SHROOM3: variants seen among roughly 807,000 people sequenced by gnomAD.
SHROOM3 encodes shroom family member 3, also known as protein Shroom3.
SHROOM3 carries 47 observed loss-of-function variants against 138.6 expected under a neutral mutation model. That is an observed-to-expected ratio of 0.34 (90% CI 0.27 to 0.43). SHROOM3 has a LOEUF of 0.43. Ranked by LOEUF, SHROOM3 falls within the 20% of genes least tolerant of loss-of-function variation. The pLI, the probability that SHROOM3 is intolerant of heterozygous loss-of-function variation, is 1.00. For missense variants in SHROOM3, 2,491 were observed against 2,596.5 expected (o/e 0.96, Z 0.88); for synonymous variants, 1,062 against 1,063.3 (o/e 1.00, Z 0.02).
At chr4:76,446,149 G>C (rs1263234418) in intron 1 of SHROOM3, among the ~76,000 whole-genome samples, 1 of 152,154 alleles carries the variant, frequency 6.6e-6, no homozygotes, top group African/African-American at 2.4e-5. Flanking sequence ...ACTCTGGGAA[G>C]TCCTATAGGT....
intron 2 of SHROOM3, among the ~76,000 whole-genome samples, chr4:76,667,597 A>G (rs146488822): frequency 1.3e-5 from 2 of 152,070 alleles, no homozygotes; most frequent in South Asian, 2.1e-4. Context: ...TACAGGCATG[A>G]GCCATCATGC....
chr4:76,741,115 C>T lies in SHROOM3; in HGVS notation c.2942C>T (p.Thr981Met), dbSNP rs557095145. ...GCGTCGGCCTCCGCCTCCCCGCACA[C>T]GCCCCGGGAGCGGCACAGCGTGACC... is the stretch of plus-strand genomic sequence containing the variant. The part of the protein sequence containing the change: ...PEASASASPH[T>M]PRERHSVTPA... Residue 981 changes from threonine to methionine, a missense_variant, in exon 5 of 11, where the codon ACG becomes ATG. Thr to Met is a moderately conservative substitution (Grantham distance 81). This residue lies in a region of SHROOM3 where 1,733 missense variants were observed against 1,661.6 expected (regional missense o/e 1.04). Transcript: ENST00000296043. This position sits in a 1 kb window ranked among gnomAD's most constrained non-coding sequence, Gnocchi z 6.2. 152 of 1,550,590 alleles carry T rather than the reference C, an allele frequency of 9.8e-5. No homozygotes were observed. Among genetic ancestry groups the T allele is most frequent in the Admixed American group, 2.5e-4 (13 of 51,162 alleles).
chr4:76,614,089 T>C (rs1385416102), intron 2 of SHROOM3, among the ~76,000 whole-genome samples: 1 of 152,056 alleles, frequency 6.6e-6, no homozygotes, highest in Non-Finnish European at 1.5e-5. Context: ...CTCTCTCTGT[T>C]GCCCAGGCTG....
intron 2 of SHROOM3, among the ~76,000 whole-genome samples, chr4:76,624,960 A>G (rs1009427718): frequency 4.6e-5 from 7 of 152,224 alleles, no homozygotes; most frequent in Non-Finnish European, 1.5e-5. Context: ...TAACCTCAGT[A>G]CAATGATATT....
At chr4:76,680,627 C>T (rs1168775696) in intron 2 of SHROOM3, among the ~76,000 whole-genome samples, 1 of 152,186 alleles carries the variant, frequency 6.6e-6, no homozygotes, top group Non-Finnish European at 1.5e-5. Context: ...ATAAGCACTT[C>T]CTTTATAGCA....
chr4:76,501,224 C>G (rs1315143557), intron 1 of SHROOM3, among the ~76,000 whole-genome samples: 1 of 152,168 alleles, frequency 6.6e-6, no homozygotes, highest in Non-Finnish European at 1.5e-5. Context: ...AATATCTTCA[C>G]TCTGAGGCTT....
At chr4:76,763,854 G>A (rs1476699834) in intron 9 of SHROOM3, among the ~76,000 whole-genome samples, 1 of 152,142 alleles carries the variant, frequency 6.6e-6, no homozygotes, top group Non-Finnish European at 1.5e-5. Flanking sequence ...TGATGTTGTT[G>A]AAAACATCTT....
intron 5 of SHROOM3, among the ~76,000 whole-genome samples, chr4:76,746,637 G>C (rs1293450177): frequency 6.6e-6 from 1 of 151,970 alleles, no homozygotes; most frequent in Non-Finnish European, 1.5e-5. Flanking sequence ...TTTTCATAAG[G>C]ATTTCTAGTT....
chr4:76,738,999 G>A lies in SHROOM3; in HGVS notation c.826G>A (p.Gly276Ser), dbSNP rs778647684. Reference sequence around the variant, plus strand: ...TAGCATCCTAGAGTATCCACACCCTGGCATCTCTGGCCGGGAGCGTTCAGG... The same window carrying A: ...TAGCATCCTAGAGTATCCACACCCTAGCATCTCTGGCCGGGAGCGTTCAGG... ...SSSILEYPHP[G>S]ISGRERSGSM... Residue 276 changes from glycine (G) to serine (S), a missense_variant, in exon 5 of 11, where the codon GGC becomes AGC. This residue lies in a region of SHROOM3 where 1,733 missense variants were observed against 1,661.6 expected (regional missense o/e 1.04). Coordinates refer to ENST00000296043, the MANE Select transcript of SHROOM3 (RefSeq NM_020859.4). The A allele has an allele frequency of 6.8e-6, 11 of 1,614,040 alleles. No individual in the cohort carries two copies. The South Asian group carries it at 9.9e-5, about 14-fold the overall frequency.
intron 4 of SHROOM3, among the ~76,000 whole-genome samples, chr4:76,733,825 T>TGA (rs368468350): frequency 2.0e-5 from 3 of 150,726 alleles, no homozygotes; most frequent in South Asian, 4.2e-4. Flanking sequence ...AGGAGTGAGG[T>TGA]GAGAGAGAGA....
intron 2 of SHROOM3, among the ~76,000 whole-genome samples, chr4:76,641,811 TC>T (rs1363730750): frequency 6.6e-6 from 1 of 152,072 alleles, no homozygotes; most frequent in Non-Finnish European, 1.5e-5. Flanking sequence ...TAGATTACTG[TC>T]CCCGACCAGT....
At chr4:76,479,207 A>G (rs188714552) in intron 1 of SHROOM3, among the ~76,000 whole-genome samples, 1 of 152,068 alleles carries the variant, frequency 6.6e-6, no homozygotes, top group Non-Finnish European at 1.5e-5. Flanking sequence ...GTCCTAACCC[A>G]ATGCAAGGAG....
At chr4:76,578,911 A>G (rs1365053629) in intron 2 of SHROOM3, among the ~76,000 whole-genome samples, 2 of 152,254 alleles carry the variant, frequency 1.3e-5, no homozygotes, top group African/African-American at 4.8e-5. Flanking sequence ...TAAAAATGAC[A>G]TCTGGCTGGG....
chr4:76,637,617 C>G (rs1216764231), intron 2 of SHROOM3: 1 of 152,170 alleles, frequency 6.6e-6, no homozygotes, highest in Non-Finnish European at 1.5e-5. Flanking sequence ...CTGGCTCCAT[C>G]AGGCAACGAG....
chr4:76,766,630 G>T (rs1240016686), intron 9 of SHROOM3, among the ~76,000 whole-genome samples: 1 of 152,192 alleles, frequency 6.6e-6, no homozygotes, highest in Non-Finnish European at 1.5e-5. Flanking sequence ...GAGTTATTCT[G>T]GTAGACATTG....
In SHROOM3 at chr4:76,749,097, A is replaced by G. The variant is rs1553948261; in HGVS notation, c.3827+7A>G. On this transcript the variant is annotated splice_region_variant and intron_variant, in intron 6 of 10. Coordinates refer to ENST00000296043, the MANE Select transcript of SHROOM3 (RefSeq NM_020859.4). ...TGGCTGGTCCTGGATCTAGGTATGTACATGTACTTATGATGCTCTCTGCAT... is the reference window on the plus strand; with the variant it reads ...TGGCTGGTCCTGGATCTAGGTATGTGCATGTACTTATGATGCTCTCTGCAT... 8 of 1,612,270 alleles carry G rather than the reference A, an allele frequency of 5.0e-6. No individual in the cohort carries two copies. Among genetic ancestry groups the G allele is most frequent in the Non-Finnish European group, 6.8e-6 (8 of 1,178,510 alleles).
chr4:76,710,429 G>A (rs1720198163), intron 3 of SHROOM3, 142 bp downstream of exon 3: 1 of 993,342 alleles, frequency 1.0e-6, no homozygotes, highest in Non-Finnish European at 1.5e-6. Flanking sequence ...GAACAAGGAG[G>A]CGAGATAGAA....
chr4:76,564,413 C>A (rs1237708737), intron 2 of SHROOM3, among the ~76,000 whole-genome samples: 3 of 152,142 alleles, frequency 2.0e-5, no homozygotes, highest in Non-Finnish European at 4.4e-5. Context: ...GCTCAGTATG[C>A]TTTGAGGAGG....
At chr4:76,763,143 T>C (rs1337511513) in intron 9 of SHROOM3, among the ~76,000 whole-genome samples, 2 of 152,078 alleles carry the variant, frequency 1.3e-5, no homozygotes, top group Admixed American at 6.6e-5. Context: ...CCCAGCACTT[T>C]GGGAGGCCAA....
Sources: allele counts gnomAD v4.1 joint callset (sites outside exome capture counted in the v4.1 genomes callset), GRCh38; gene constraint gnomAD v4.1.1; regional missense constraint gnomAD v4.1.1; non-coding constraint Gnocchi (gnomAD v3.1); transcripts MANE v1.5; gene names NCBI Gene and HGNC (gene_info 2026-07-23, HGNC 2026-07-21).